The following CNTN5 variants were observed in gnomAD, a reference collection of about 807,000 sequenced individuals.
CNTN5 encodes the protein contactin 5, also known as contactin-5.
CNTN5 carries 77 observed loss-of-function variants against 129.1 expected under a neutral mutation model. That is an observed-to-expected ratio of 0.60 (90% CI 0.50 to 0.72). The LOEUF is 0.72. CNTN5 is among the 30% of genes least tolerant of loss of function. CNTN5 has a pLI of 0.00. For synonymous variants in CNTN5, 509 were observed against 465.6 expected (o/e 1.09, Z -1.20); for missense variants, 1,478 against 1,328.8 (o/e 1.11, Z -1.75).
intron 1 of CNTN5, among the ~76,000 whole-genome samples, chr11:99,046,005 G>A (rs1864190349): frequency 6.6e-6 from 1 of 152,124 alleles, no homozygotes; most frequent in South Asian, 2.1e-4. Flanking sequence ...ATGTACCCAG[G>A]TAAATAACTC....
chr11:99,934,468 T>C (rs1950261547), intron 7 of CNTN5, among the ~76,000 whole-genome samples: 1 of 152,216 alleles, frequency 6.6e-6, no homozygotes, highest in Non-Finnish European at 1.5e-5. Context: ...AATCAATATA[T>C]ATATAATTGC....
At chr11:100,336,849 C>T in intron 21 of CNTN5, 1 of 462,586 alleles carries the variant, frequency 2.2e-6, no homozygotes, top group South Asian at 2.3e-5. Context: ...CAGAGAATCA[C>T]AATCTAGATG....
At chr11:99,975,512 A>G (rs938620834) in intron 8 of CNTN5, among the ~76,000 whole-genome samples, 3 of 152,200 alleles carry the variant, frequency 2.0e-5, no homozygotes, top group African/African-American at 7.2e-5. Flanking sequence ...TACCTGAGAC[A>G]GGGTAATTTA....
intron 10 of CNTN5, among the ~76,000 whole-genome samples, chr11:100,067,068 G>T (rs978690248): frequency 1.3e-5 from 2 of 151,376 alleles, no homozygotes; most frequent in Non-Finnish European, 2.9e-5. Flanking sequence ...AGACCTAGTG[G>T]TTTATAAAAT....
chr11:99,675,560 C>T (rs187579697), intron 3 of CNTN5, among the ~76,000 whole-genome samples: 1 of 152,062 alleles, frequency 6.6e-6, no homozygotes, highest in Non-Finnish European at 1.5e-5. Flanking sequence ...TGGTGGGCAC[C>T]TGTAATCCCA....
chr11:100,041,159 A>T (rs777425992), intron 9 of CNTN5, among the ~76,000 whole-genome samples: 14 of 152,028 alleles, frequency 9.2e-5, no homozygotes, highest in Non-Finnish European at 1.8e-4. Flanking sequence ...TTTCTCTCAC[A>T]GCTCCAGGAG....
At chr11:99,098,842 C>T (rs927894800) in intron 1 of CNTN5, among the ~76,000 whole-genome samples, 1 of 152,088 alleles carries the variant, frequency 6.6e-6, no homozygotes, top group African/African-American at 2.4e-5. Context: ...ACACTAGTCA[C>T]CAACTTGATT....
chr11:99,152,539 T>C (rs1488252376), intron 1 of CNTN5, among the ~76,000 whole-genome samples: 2 of 152,216 alleles, frequency 1.3e-5, no homozygotes, highest in Non-Finnish European at 2.9e-5. Flanking sequence ...TGGGTGTCAT[T>C]GCATGTGAGA....
chr11:99,988,011 T>G lies in CNTN5; in HGVS notation c.878-14023T>G, dbSNP rs543309703. Among the ~76,000 whole-genome samples the G allele has an allele frequency of 1.5e-4, 23 of 152,330 alleles. 1 individual carries two copies. The highest frequency in any genetic ancestry group is 1.2e-3 in the East Asian group (6 of 5,192). On this transcript the variant is annotated intron_variant, in intron 8 of 24. Coordinates refer to ENST00000524871, the MANE Select transcript of CNTN5 (RefSeq NM_014361.4). ...TCCACTTTACATCTAGAGTCTTTAA[T>G]GCACAAAAATCCCTGTGATGAAGCT... is the stretch of plus-strand genomic sequence containing the variant.
chr11:99,411,882 A>G (rs1347944204), intron 2 of CNTN5, among the ~76,000 whole-genome samples: 5 of 152,226 alleles, frequency 3.3e-5, no homozygotes, highest in African/African-American at 1.2e-4. Flanking sequence ...GACTCCACAT[A>G]GACTAACGGA....
At chr11:99,712,868 T>G (rs1565452518) in intron 3 of CNTN5, among the ~76,000 whole-genome samples, 1 of 152,114 alleles carries the variant, frequency 6.6e-6, no homozygotes, top group Admixed American at 6.6e-5. Flanking sequence ...ACCGTGCTGT[T>G]TTGGTTACTG....
At chr11:99,339,841 G>C (rs541323219) in intron 2 of CNTN5, among the ~76,000 whole-genome samples, 60 of 151,666 alleles carry the variant, frequency 4.0e-4, no homozygotes, top group African/African-American at 7.5e-4. Context: ...GACTAGAGAA[G>C]AGTGAGTGAG....
intron 13 of CNTN5, among the ~76,000 whole-genome samples, chr11:100,125,419 A>G (rs940118292): frequency 1.3e-5 from 2 of 152,026 alleles, no homozygotes; most frequent in Non-Finnish European, 2.9e-5. Context: ...AACATGCAGA[A>G]TTTGGTTTCC....
intron 9 of CNTN5, among the ~76,000 whole-genome samples, chr11:100,006,141 A>C (rs11222317): frequency 0.069 from 10,555 of 152,226 alleles, 773 homozygotes; most frequent in East Asian, 0.31. Context: ...TTACATACAT[A>C]CAACAATTTA....
At chr11:99,673,425 T>C (rs1358792623) in intron 3 of CNTN5, among the ~76,000 whole-genome samples, 1 of 152,100 alleles carries the variant, frequency 6.6e-6, no homozygotes, top group Non-Finnish European at 1.5e-5. Flanking sequence ...AAGAACAGTG[T>C]CTGATATATG....
At chr11:99,803,332 A>G (rs1306659094) in intron 3 of CNTN5, among the ~76,000 whole-genome samples, 1 of 152,180 alleles carries the variant, frequency 6.6e-6, no homozygotes, top group Non-Finnish European at 1.5e-5. Context: ...CCACAGCTGT[A>G]GTAGCTCTTC....
chr11:99,688,200 A>G (rs547572498), intron 3 of CNTN5, among the ~76,000 whole-genome samples: 1 of 152,312 alleles, frequency 6.6e-6, no homozygotes, highest in African/African-American at 2.4e-5. Context: ...AAAATCTGAA[A>G]TAAATGTATT....
intron 17 of CNTN5, among the ~76,000 whole-genome samples, chr11:100,262,405 G>A (rs1391670982): frequency 6.6e-6 from 1 of 151,970 alleles, no homozygotes. Context: ...ATATAGAACT[G>A]GAAATATCAT....
At chr11:99,087,542 T>A (rs1284861872) in intron 1 of CNTN5, among the ~76,000 whole-genome samples, 1 of 152,160 alleles carries the variant, frequency 6.6e-6, no homozygotes, top group Non-Finnish European at 1.5e-5. Flanking sequence ...GGAAGGGACA[T>A]AATACTCATA....
Sources: allele counts gnomAD v4.1 joint callset (sites outside exome capture counted in the v4.1 genomes callset), GRCh38; gene constraint gnomAD v4.1.1; transcripts MANE v1.5; gene names NCBI Gene and HGNC (gene_info 2026-07-23, HGNC 2026-07-21).